CLEC2L: variants seen among roughly 807,000 people sequenced by gnomAD.
CLEC2L encodes C-type lectin domain family 2, member L.
In CLEC2L, 14 loss-of-function variants were observed where a neutral mutation model predicts 23.6. That is an observed-to-expected ratio of 0.59 (90% CI 0.39 to 0.93). The LOEUF (loss-of-function observed/expected upper bound fraction) is 0.93. Among genes scored for constraint, CLEC2L ranks in the 40% least tolerant of loss-of-function variants. The pLI, the probability that CLEC2L is intolerant of heterozygous loss-of-function variation, is 0.00. For synonymous variants in CLEC2L, 114 were observed against 121.3 expected, an observed-to-expected ratio of 0.94 and a Z score of 0.40; for missense variants, 264 against 282.4, an observed-to-expected ratio of 0.93 and a Z score of 0.47.
Position 139,544,643 on chromosome 7 carries a change from C to A in CLEC2L, c.*301C>A. On this transcript the variant is annotated 3_prime_UTR_variant, in exon 5 of 5. Transcript: ENST00000422142. ...CACGCACGCACAGACGCTGTCCCTTCTGAAGCTCAGTGTCCATCCTGAGCC... is the reference window on the plus strand; with the variant it reads ...CACGCACGCACAGACGCTGTCCCTTATGAAGCTCAGTGTCCATCCTGAGCC... 3.1e-6 allele frequency: 1 copy of A among 320,476 alleles called. No individual in the cohort carries two copies. Among genetic ancestry groups the A allele is most frequent in the Non-Finnish European group, 5.8e-6 (1 of 171,184 alleles). 19.9% of individuals were successfully genotyped at this position (320,476 alleles called of 1,614,324 possible). A position where few individuals can be genotyped will look rare whatever the true frequency, so the allele number is the denominator to read the frequency against.
chr7:139,530,768 G>A (rs558846302), intron 1 of CLEC2L, among the ~76,000 whole-genome samples: 11 of 139,958 alleles, frequency 7.9e-5, no homozygotes, highest in South Asian at 2.3e-4. Flanking sequence ...AGCTGAGATC[G>A]CACCACTGTA....
In CLEC2L at chr7:139,544,476, C is replaced by T. The variant is rs896923184; in HGVS notation, c.*134C>T. On this transcript the variant is annotated 3_prime_UTR_variant, in exon 5 of 5. Coordinates refer to ENST00000422142, the MANE Select transcript of CLEC2L (RefSeq NM_001080511.4). ...TGGGTGCGTGGCCTCCGCCCCAGGCCCCTCTCCCAGGCCCTGGCGCTCTGA... is the reference window on the plus strand; with the variant it reads ...TGGGTGCGTGGCCTCCGCCCCAGGCTCCTCTCCCAGGCCCTGGCGCTCTGA... 9.5e-6 allele frequency: 6 copies of T among 632,336 alleles called. No homozygotes were observed. Among genetic ancestry groups the T allele is most frequent in the African/African-American group, 9.2e-5 (5 of 54,612 alleles). 39.2% of individuals were successfully genotyped at this position (632,336 alleles called of 1,614,324 possible).
chr7:139,544,774 A>T lies in CLEC2L; in HGVS notation c.*432A>T, dbSNP rs1393814653. 6.5e-6 allele frequency: 1 copy of T among 153,630 alleles called. No individual in the cohort carries two copies. Among genetic ancestry groups the T allele is most frequent in the East Asian group, 1.9e-4 (1 of 5,218 alleles). 9.5% of individuals were successfully genotyped at this position (153,630 alleles called of 1,614,324 possible). ...CAGGTGGTTTGACTGTTCACCCAGCAGCCCCGCTTCCCCACTGGTTTCTCT... is the reference window on the plus strand; with the variant it reads ...CAGGTGGTTTGACTGTTCACCCAGCTGCCCCGCTTCCCCACTGGTTTCTCT... On this transcript the variant is annotated 3_prime_UTR_variant, in exon 5 of 5. Transcript: ENST00000422142.
chr7:139,534,339 T>C lies in CLEC2L; in HGVS notation c.191-1935T>C, dbSNP rs1797622593. On this transcript the variant is annotated intron_variant, in intron 1 of 4. Transcript: ENST00000422142. The stretch of plus-strand genomic sequence containing the variant: ...TGAATGAATGCATGGAAGGCGTTTG[T>C]AAAATGTATGAAGACATGTGAAAAG... 4 of 1,204,034 alleles carry C rather than the reference T, an allele frequency of 3.3e-6. No homozygotes were observed. The Admixed American group carries it at 6.8e-5, about 20-fold the overall frequency. The allele number at this position is 1,204,034 out of a possible 1,614,324, so 74.6% of individuals were successfully genotyped here. A position where few individuals can be genotyped will look rare whatever the true frequency, so the allele number is the denominator to read the frequency against.
chr7:139,535,049 G>A (rs150760220), intron 1 of CLEC2L, among the ~76,000 whole-genome samples: 14 of 151,472 alleles, frequency 9.2e-5, no homozygotes, highest in Admixed American at 5.2e-4. Context: ...CAAAAGAATT[G>A]AAAGCAAGGA....
chr7:139,525,582 A>G (rs1258856663), intron 1 of CLEC2L, among the ~76,000 whole-genome samples: 1 of 152,078 alleles, frequency 6.6e-6, no homozygotes, highest in African/African-American at 2.4e-5. Flanking sequence ...TTACTGTTGG[A>G]GTGGCCCTGT....
chr7:139,544,539 C>A lies in CLEC2L; in HGVS notation c.*197C>A. 1 of 593,230 alleles carries A rather than the reference C, an allele frequency of 1.7e-6. No individual in the cohort carries two copies. Among genetic ancestry groups the A allele is most frequent in the South Asian group, 2.0e-5 (1 of 49,274 alleles). 36.7% of individuals were successfully genotyped at this position (593,230 alleles called of 1,614,324 possible). On this transcript the variant is annotated 3_prime_UTR_variant, in exon 5 of 5. Coordinates refer to ENST00000422142, the MANE Select transcript of CLEC2L (RefSeq NM_001080511.4). The stretch of plus-strand genomic sequence containing the variant: ...TGGCCTCCTTTGTCTGCAGGCAGGT[C>A]GTGTGGCTCAGCAGTTAAATCCCAT...
chr7:139,532,084 ATAAT>A (rs1797590509), intron 1 of CLEC2L, among the ~76,000 whole-genome samples: 1 of 152,200 alleles, frequency 6.6e-6, no homozygotes, highest in South Asian at 2.1e-4. Flanking sequence ...TAGAAAGAAA[ATAAT>A]TAAGCAGTTG....
At chr7:139,533,689 C>A (rs1797612451) in intron 1 of CLEC2L, among the ~76,000 whole-genome samples, 1 of 152,182 alleles carries the variant, frequency 6.6e-6, no homozygotes, top group Admixed American at 6.5e-5. Context: ...TTTAGAATTT[C>A]TTGATTCCTT....
At chr7:139,543,201 A>G (rs1038431155) in intron 4 of CLEC2L, among the ~76,000 whole-genome samples, 1 of 151,912 alleles carries the variant, frequency 6.6e-6, no homozygotes, top group Non-Finnish European at 1.5e-5. Context: ...CCTTTTCCTT[A>G]TCTCAAGCAC....
At chr7:139,534,253 A>G in intron 1 of CLEC2L, 2 of 1,242,456 alleles carry the variant, frequency 1.6e-6, no homozygotes, top group South Asian at 2.4e-5. Context: ...GTCTCACACC[A>G]TTTTGCTGAT....
intron 1 of CLEC2L, among the ~76,000 whole-genome samples, chr7:139,529,616 C>G (rs1255484637): frequency 1.3e-5 from 2 of 152,238 alleles, no homozygotes; most frequent in Non-Finnish European, 2.9e-5. Context: ...AACCTCTGCT[C>G]TTACCATGTC....
rs1241356903 is a variant in CLEC2L, at chr7:139,540,621, T to A, written c.432+134T>A. 1.0e-6 allele frequency: 1 copy of A among 1,003,384 alleles called. No individual in the cohort carries two copies. The highest frequency in any genetic ancestry group is 1.5e-6 in the Non-Finnish European group (1 of 667,214). The allele number at this position is 1,003,384 out of a possible 1,614,324, so 62.2% of individuals were successfully genotyped here. On this transcript the variant is annotated intron_variant, in intron 3 of 4. Transcript: ENST00000422142. The surrounding 1 kb of genome is among the most constrained non-coding windows in gnomAD (Gnocchi z 5.8). ...TCTCCAAAGCCGCCCACCTGCTGCA[T>A]AACCACTTGGGGTGCAGGCAGACCT...
chr7:139,535,959 A>G (rs1252597827), intron 1 of CLEC2L, among the ~76,000 whole-genome samples: 4 of 152,372 alleles, frequency 2.6e-5, no homozygotes, highest in African/African-American at 9.6e-5. Flanking sequence ...TGCGCTCTAC[A>G]GCAGTGGATC....
rs1797712916 is a variant in CLEC2L, at chr7:139,540,158, C to G, written c.266-163C>G. The stretch of plus-strand genomic sequence containing the variant: ...GCTTCCCACAGTCCCCTTTCTCATT[C>G]ATTTAGTGGCCACCCTTTTACCTCC... On this transcript the variant is annotated intron_variant, in intron 2 of 4. Coordinates refer to ENST00000422142, the MANE Select transcript of CLEC2L (RefSeq NM_001080511.4). This position sits in a 1 kb window ranked among gnomAD's most constrained non-coding sequence, Gnocchi z 5.8. 1 of 652,558 alleles carries G rather than the reference C, an allele frequency of 1.5e-6. No individual in the cohort carries two copies. Among genetic ancestry groups the G allele is most frequent in the African/African-American group, 1.8e-5 (1 of 54,878 alleles). 40.4% of individuals were successfully genotyped at this position (652,558 alleles called of 1,614,324 possible).
At chr7:139,524,776 G>C (rs1316444221) in intron 1 of CLEC2L, among the ~76,000 whole-genome samples, 3 of 152,136 alleles carry the variant, frequency 2.0e-5, no homozygotes, top group African/African-American at 7.2e-5. Context: ...GGCGGCGTGT[G>C]GTGTGGGAGA....
intron 1 of CLEC2L, 45 bp from the exon 2 acceptor site, chr7:139,536,217 AGTGGGACTGGCG>A: frequency 7.4e-7 from 1 of 1,342,416 alleles, no homozygotes; most frequent in Non-Finnish European, 1.0e-6. Flanking sequence ...TGGGGCTGGC[AGTGGGACTGGCG>A]GTGGGATGGG....
At chr7:139,526,804 C>T (rs1282259696) in intron 1 of CLEC2L, among the ~76,000 whole-genome samples, 1 of 152,244 alleles carries the variant, frequency 6.6e-6, no homozygotes, top group East Asian at 1.9e-4. Context: ...TGGCCTCCTG[C>T]AGCCCCTGCT....
At chr7:139,537,780 T>G (rs1007828299) in intron 2 of CLEC2L, among the ~76,000 whole-genome samples, 1 of 152,222 alleles carries the variant, frequency 6.6e-6, no homozygotes, top group African/African-American at 2.4e-5. Context: ...GGTGGCATAT[T>G]CTGGACCCCA....
Sources: allele counts gnomAD v4.1 joint callset (sites outside exome capture counted in the v4.1 genomes callset), GRCh38; gene constraint gnomAD v4.1.1; non-coding constraint Gnocchi (gnomAD v3.1); transcripts MANE v1.5; gene names NCBI Gene and HGNC (gene_info 2026-07-23, HGNC 2026-07-21).